CD163: variants seen among roughly 807,000 people sequenced by gnomAD.
CD163 encodes CD163 molecule, also known as scavenger receptor cysteine-rich type 1 protein M130.
Under a neutral mutation model 129.2 loss-of-function variants are expected in CD163, and 64 were observed. That is an observed-to-expected ratio of 0.50 (90% CI 0.41 to 0.61). The LOEUF (loss-of-function observed/expected upper bound fraction) is 0.61, where lower values mean the gene tolerates loss of function less well. CD163 is among the 20% of genes least tolerant of loss of function. The probability of loss-of-function intolerance (pLI) is 0.00; values close to 1 mark genes in which losing one functional copy is unlikely to be tolerated. For synonymous variants in CD163, 446 were observed against 478.5 expected (o/e 0.93, Z 0.89); for missense variants, 1,061 against 1,377.9 (o/e 0.77, Z 3.64).
At chr12:7,502,953 G>C (rs914102385) in intron 1 of CD163, among the ~76,000 whole-genome samples, 6 of 152,156 alleles carry the variant, frequency 3.9e-5, no homozygotes, top group African/African-American at 1.4e-4. Context: ...ATTCAATTAT[G>C]GATGCCCCCA....
chr12:7,486,859 A>G (rs780003945), intron 9 of CD163, 35 bp downstream of exon 9: 2 of 1,606,200 alleles, frequency 1.2e-6, no homozygotes, highest in Non-Finnish European at 1.7e-6. Context: ...TCCACTTGTT[A>G]TTAATATTTT....
At position 7,481,246 on chromosome 12, in the gene CD163, T is replaced by C. The variant is rs1949158143; in HGVS notation, c.3258A>G (p.Arg1086=). 1.2e-6 allele frequency: 2 copies of C among 1,613,232 alleles called. No individual in the cohort carries two copies. Among genetic ancestry groups the C allele is most frequent in the Non-Finnish European group, 1.7e-6 (2 of 1,179,418 alleles). ...GAATTTGGTGGACTAAGTTCTCTCCTCTTGAGGAAACTGAAAACAGAGATC... is the reference window on the plus strand; with the variant it reads ...GAATTTGGTGGACTAAGTTCTCTCCCCTTGAGGAAACTGAAAACAGAGATC... ...RQRQRLAVSS[R]GENLVHQIQY... The change falls in exon 15 of 17, where the codon AGA becomes AGG. Residue 1086 remains arginine (R), a synonymous_variant. Transcript: ENST00000432237.
At position 7,496,341 on chromosome 12, in the gene CD163, A is replaced by C. The variant is rs910089890; in HGVS notation, c.1099+472T>G. Among the ~76,000 whole-genome samples, 2 of 150,292 alleles carry C rather than the reference A, an allele frequency of 1.3e-5. No individual in the cohort carries two copies. Among genetic ancestry groups the C allele is most frequent in the Non-Finnish European group, 3.0e-5 (2 of 67,576 alleles). ...GGGGCCTGTCAATGGGTGGGGGGAA[A>C]GGGGAGGGAGAGCATTAGGACAAAT... On this transcript the variant is annotated intron_variant, in intron 5 of 16. Coordinates refer to ENST00000432237, the MANE Select transcript of CD163 (RefSeq NM_203416.4). The surrounding 1 kb of genome is among the most constrained non-coding windows in gnomAD (Gnocchi z 4.8).
intron 12 of CD163, 93 bp downstream of exon 12, chr12:7,483,274 C>T: frequency 8.6e-7 from 1 of 1,168,902 alleles, no homozygotes. Context: ...GATCCCTGTG[C>T]TGATAAATCC....
chr12:7,482,601 T>A, intron 14 of CD163, 42 bp downstream of exon 14: 2 of 1,609,452 alleles, frequency 1.2e-6, no homozygotes, highest in Non-Finnish European at 8.5e-7. Context: ...AAGAACCCCC[T>A]TATCCTGTAG....
At position 7,486,897 on chromosome 12, in the gene CD163, T is replaced by G. The variant is rs748894509; in HGVS notation, c.2140A>C (p.Ile714Leu). Residue 714 changes from isoleucine to leucine, a missense_variant, in exon 9 of 17, where the codon ATA (isoleucine) becomes CTA (leucine). Transcript: ENST00000432237. Reference sequence around the variant, plus strand: ...TAGATTTGTCACAGAGTCTTACCTATGCAGGCCACAGCACTTTCTTCTGGA... The same window carrying G: ...TAGATTTGTCACAGAGTCTTACCTAGGCAGGCCACAGCACTTTCTTCTGGA... ...TIPEESAVACIESGQLRLVNG... is the reference protein window; with the variant it reads ...TIPEESAVACLESGQLRLVNG... 17 of 1,613,562 alleles carry G rather than the reference T, an allele frequency of 1.1e-5. No homozygotes were observed. The highest frequency in any genetic ancestry group is 1.7e-5 in the Admixed American group (1 of 59,978).
At chr12:7,502,726 T>C (rs969953393) in intron 1 of CD163, 162 bp from the exon 2 acceptor site, 1 of 651,664 alleles carries the variant, frequency 1.5e-6, no homozygotes, top group Non-Finnish European at 2.8e-6. Flanking sequence ...CCCAGGCTCA[T>C]ATAGTTTCAG....
At chr12:7,502,325 A>G (rs1949502043) in intron 2 of CD163, among the ~76,000 whole-genome samples, 153 bp downstream of exon 2, 1 of 152,108 alleles carries the variant, frequency 6.6e-6, no homozygotes, top group African/African-American at 2.4e-5. Context: ...TTAGATTTTT[A>G]TTGTGTGCTT....
At chr12:7,486,477 A>G (rs1949249964) in intron 10 of CD163, 22 bp downstream of exon 10, 2 of 1,593,542 alleles carry the variant, frequency 1.3e-6, no homozygotes, top group East Asian at 2.2e-5. Flanking sequence ...AATTATGACC[A>G]AAGGTCATAT....
At chr12:7,478,512 C>G (rs1181941156) in intron 16 of CD163, among the ~76,000 whole-genome samples, 1 of 151,976 alleles carries the variant, frequency 6.6e-6, no homozygotes, top group Admixed American at 6.6e-5. Context: ...TAGCTTTGCC[C>G]AATTATCTAT....
At chr12:7,503,548 T>C in intron 1 of CD163, 97 bp downstream of exon 1, 1 of 775,880 alleles carries the variant, frequency 1.3e-6, no homozygotes. Flanking sequence ...CTCCTTACTC[T>C]CCTGATGCCA....
In CD163 at chr12:7,501,326, G is replaced by A; in HGVS notation, c.270C>T (p.Asn90=). ...WSMEAVSVIC[N]QLGCPTAIKA... ...TGATAGCAGTTGGACATCCCAGCTG[G>A]TTACAAATCACAGAGACCGCTTCCA... The change falls in exon 3 of 17, where the codon AAC becomes AAT. Residue 90 remains asparagine (N), a synonymous_variant. Transcript: ENST00000432237. The A allele has an allele frequency of 6.2e-7, 1 of 1,614,078 alleles. No homozygotes were observed. The highest frequency in any genetic ancestry group is 8.5e-7 in the Non-Finnish European group (1 of 1,180,012).
At chr12:7,501,521 A>AT (rs1949489771) in intron 2 of CD163, 59 bp from the exon 3 acceptor site, 2 of 1,245,394 alleles carry the variant, frequency 1.6e-6, no homozygotes, top group Non-Finnish European at 2.3e-6. Context: ...GTAGAAAATT[A>AT]TTTTTTTACA....
intron 6 of CD163, among the ~76,000 whole-genome samples, chr12:7,488,680 C>T (rs955792514): frequency 1.3e-5 from 2 of 152,198 alleles, no homozygotes; most frequent in African/African-American, 2.4e-5. Flanking sequence ...ACCTTCTCAT[C>T]TGCTCAATGG....
At chr12:7,478,451 A>G (rs1007976786) in intron 16 of CD163, among the ~76,000 whole-genome samples, 1 of 152,164 alleles carries the variant, frequency 6.6e-6, no homozygotes, top group African/African-American at 2.4e-5. Context: ...TCCTCCAGAC[A>G]TTTAAAAATG....
chr12:7,480,021 G>T, intron 15 of CD163, 108 bp from the exon 16 acceptor site: 2 of 1,599,152 alleles, frequency 1.3e-6, no homozygotes, highest in South Asian at 1.1e-5. Context: ...ATAATTACTG[G>T]GAAATAAACC....
chr12:7,499,468 A>C lies in CD163; in HGVS notation c.458-280T>G, dbSNP rs1949448785. On this transcript the variant is annotated intron_variant, in intron 3 of 16. Coordinates refer to ENST00000432237, the MANE Select transcript of CD163 (RefSeq NM_203416.4). The stretch of plus-strand genomic sequence containing the variant: ...TTCCATCTATTACTAGGACAGATGT[A>C]AATACTCTTTTTTGTACAGAAATAG... 2.6e-5 allele frequency among the ~76,000 whole-genome samples: 4 copies of C among 152,220 alleles called. No individual in the cohort carries two copies. The South Asian group carries it at 8.3e-4, about 31-fold the overall frequency.
In CD163 at chr12:7,496,458, C is replaced by T. The variant is rs140815714; in HGVS notation, c.1099+355G>A. Among the ~76,000 whole-genome samples the T allele has an allele frequency of 2.0e-3, 301 of 152,216 alleles. 2 individuals carry two copies. Among genetic ancestry groups the T allele is most frequent in the East Asian group, 0.017 (88 of 5,184 alleles). On this transcript the variant is annotated intron_variant, in intron 5 of 16. Coordinates refer to ENST00000432237, the MANE Select transcript of CD163 (RefSeq NM_203416.4). The surrounding 1 kb of genome is among the most constrained non-coding windows in gnomAD (Gnocchi z 4.8). ...TGTTTACCCATGTAACAAACCTGCA[C>T]ATTCAACACATCTATCCCAGAACTT...
intron 16 of CD163, among the ~76,000 whole-genome samples, chr12:7,475,442 A>G (rs933593932): frequency 2.0e-5 from 3 of 152,228 alleles, no homozygotes; most frequent in African/African-American, 7.2e-5. Flanking sequence ...ACATATGTAA[A>G]TCAATAAACG....
Sources: gnomAD v4.1 joint callset for allele counts (sites outside exome capture counted in the v4.1 genomes callset) on GRCh38, gnomAD v4.1.1 for gene constraint, Gnocchi (gnomAD v3.1) non-coding constraint, MANE v1.5 for transcripts, NCBI Gene and HGNC (gene_info 2026-07-23, HGNC 2026-07-21) for gene names.